LRRTM3: variants seen among roughly 807,000 people sequenced by gnomAD.
LRRTM3 encodes the protein leucine-rich repeat transmembrane neuronal protein 3.
Under a neutral mutation model 44.7 loss-of-function variants are expected in LRRTM3, and 24 were observed. That is an observed-to-expected ratio of 0.54 (90% CI 0.39 to 0.76). LRRTM3 has a LOEUF of 0.76. LRRTM3 is among the 30% of genes least tolerant of loss of function. The pLI is 0.00. For missense variants in LRRTM3, 587 were observed against 702.2 expected, an observed-to-expected ratio of 0.84 and a Z score of 1.85; for synonymous variants, 277 against 278.7, an observed-to-expected ratio of 0.99 and a Z score of 0.06.
chr10:66,946,336 T>G (rs1848272536), intron 2 of LRRTM3, among the ~76,000 whole-genome samples: 1 of 152,182 alleles, frequency 6.6e-6, no homozygotes, highest in African/African-American at 2.4e-5. Context: ...GCAGCATAAT[T>G]AAGTTAGCAA....
intron 2 of LRRTM3, among the ~76,000 whole-genome samples, chr10:67,080,707 A>G (rs1223414647): frequency 6.6e-6 from 1 of 152,084 alleles, no homozygotes; most frequent in Non-Finnish European, 1.5e-5. Flanking sequence ...CAGGAGATCG[A>G]GACCATCCTG....
intron 2 of LRRTM3, among the ~76,000 whole-genome samples, chr10:67,011,911 C>G (rs1198215008): frequency 2.6e-5 from 4 of 152,140 alleles, no homozygotes; most frequent in Non-Finnish European, 5.9e-5. Context: ...TTCATAAACA[C>G]CTGCCCTTGA....
rs140036612 is a variant in LRRTM3, at chr10:66,990,561, T to C, written c.1536+62109T>C. Among the ~76,000 whole-genome samples the C allele has an allele frequency of 8.3e-3, 1,270 of 152,288 alleles. 11 individuals carry two copies. Among genetic ancestry groups the C allele is most frequent in the Non-Finnish European group, 0.013 (902 of 68,024 alleles). On this transcript the variant is annotated intron_variant, in intron 2 of 2. Transcript: ENST00000361320. ...TAGAAATCATCTAGTTCTAGTCTAA[T>C]ACCCACATTTAGCATTCAAGGTAAC... is the stretch of plus-strand genomic sequence containing the variant.
chr10:67,088,308 C>T (rs529244660), intron 2 of LRRTM3, among the ~76,000 whole-genome samples: 7 of 151,626 alleles, frequency 4.6e-5, no homozygotes, highest in East Asian at 1.9e-4. Context: ...AATAAATTAA[C>T]GAATGAATAT....
At chr10:66,975,353 G>T (rs777722707) in intron 2 of LRRTM3, among the ~76,000 whole-genome samples, 1 of 152,188 alleles carries the variant, frequency 6.6e-6, no homozygotes, top group African/African-American at 2.4e-5. Flanking sequence ...TAAAGCAGAT[G>T]CCTAAGCATT....
At chr10:66,951,641 T>C (rs935898780) in intron 2 of LRRTM3, among the ~76,000 whole-genome samples, 1 of 143,872 alleles carries the variant, frequency 7.0e-6, no homozygotes. Flanking sequence ...TCCAAATTCT[T>C]AACCACACTA....
chr10:67,095,000 G>A (rs1033839948), intron 2 of LRRTM3, among the ~76,000 whole-genome samples: 14 of 150,796 alleles, frequency 9.3e-5, no homozygotes, highest in Non-Finnish European at 1.5e-5. Flanking sequence ...TAAGTAATTG[G>A]CTTTAAGTTT....
chr10:67,052,380 C>T (rs59251898), intron 2 of LRRTM3, among the ~76,000 whole-genome samples: 1,621 of 151,250 alleles, frequency 0.011, 33 homozygotes, highest in African/African-American at 0.037. Flanking sequence ...CGGCCAATGC[C>T]TTACTGTCTA....
At chr10:67,061,733 T>C (rs1855767608) in intron 2 of LRRTM3, among the ~76,000 whole-genome samples, 1 of 152,212 alleles carries the variant, frequency 6.6e-6, no homozygotes. Context: ...TATTCTAATA[T>C]GTATCTTTGT....
chr10:67,005,968 G>T (rs931153586), intron 2 of LRRTM3, among the ~76,000 whole-genome samples: 1 of 151,922 alleles, frequency 6.6e-6, no homozygotes, highest in East Asian at 1.9e-4. Flanking sequence ...TTACAAGCGT[G>T]AGCCATCGCA....
intron 2 of LRRTM3, among the ~76,000 whole-genome samples, chr10:66,941,147 T>A (rs1036652066): frequency 6.6e-6 from 1 of 152,136 alleles, no homozygotes; most frequent in African/African-American, 2.4e-5. Context: ...AGAGAGACAA[T>A]ATTTCCTCAG....
At chr10:66,966,869 A>G (rs1052137761) in intron 2 of LRRTM3, among the ~76,000 whole-genome samples, 1 of 152,066 alleles carries the variant, frequency 6.6e-6, no homozygotes, top group Non-Finnish European at 1.5e-5. Flanking sequence ...TATTTAAGAC[A>G]TGTTTAGTAG....
intron 2 of LRRTM3, among the ~76,000 whole-genome samples, chr10:67,071,536 T>C (rs1472331105): frequency 6.6e-6 from 1 of 151,988 alleles, no homozygotes; most frequent in Non-Finnish European, 1.5e-5. Context: ...TTGACTTCAT[T>C]TAAGATCTTG....
chr10:66,968,406 G>C (rs1182433254), intron 2 of LRRTM3, among the ~76,000 whole-genome samples: 2 of 144,172 alleles, frequency 1.4e-5, no homozygotes, highest in Non-Finnish European at 3.1e-5. Context: ...TTGACATTAA[G>C]GGAAAGAAAT....
intron 2 of LRRTM3, among the ~76,000 whole-genome samples, chr10:67,010,501 T>C (rs1852249503): frequency 6.6e-6 from 1 of 152,224 alleles, no homozygotes; most frequent in Admixed American, 6.5e-5. Context: ...AGTCCCCAGA[T>C]GGCTGCTATC....
intron 2 of LRRTM3, among the ~76,000 whole-genome samples, chr10:66,972,610 A>C (rs906674395): frequency 8.6e-5 from 13 of 152,040 alleles, no homozygotes; most frequent in Admixed American, 7.9e-4. Flanking sequence ...TTATTTCATA[A>C]AGTGCTTTTT....
At chr10:66,931,010 C>T (rs964639636) in intron 2 of LRRTM3, among the ~76,000 whole-genome samples, 2 of 152,080 alleles carry the variant, frequency 1.3e-5, no homozygotes, top group Admixed American at 1.3e-4. Context: ...ACGCCAACTG[C>T]CAGTCTCCTG....
At chr10:66,981,960 T>C (rs1272494359) in intron 2 of LRRTM3, among the ~76,000 whole-genome samples, 1 of 152,226 alleles carries the variant, frequency 6.6e-6, no homozygotes, top group African/African-American at 2.4e-5. Flanking sequence ...TTGGCTCAGC[T>C]GTCTGTCGAT....
intron 2 of LRRTM3, among the ~76,000 whole-genome samples, chr10:67,092,255 G>A (rs1332499508): frequency 2.6e-5 from 4 of 151,820 alleles, no homozygotes; most frequent in African/African-American, 9.7e-5. Flanking sequence ...AAAATGGGAA[G>A]ATTTCCCCTG....
Sources: gnomAD v4.1 joint callset for allele counts (sites outside exome capture counted in the v4.1 genomes callset) on GRCh38, gnomAD v4.1.1 for gene constraint, MANE v1.5 for transcripts, NCBI Gene and HGNC (gene_info 2026-07-23, HGNC 2026-07-21) for gene names.